The following SEH1L variants were observed in gnomAD, a reference collection of about 807,000 sequenced individuals.
SEH1L encodes the protein SEH1 like nucleoporin.
Under a neutral mutation model 49.5 loss-of-function variants are expected in SEH1L, and 18 were observed. The ratio of observed to expected loss-of-function variants is 0.36; its 90% confidence interval spans 0.25 to 0.54. SEH1L has a LOEUF of 0.54. Among genes scored for constraint, SEH1L ranks in the 20% least tolerant of loss-of-function variants. The pLI, the probability that SEH1L is intolerant of heterozygous loss-of-function variation, is 0.87. For missense variants in SEH1L, 404 were observed against 528.8 expected (o/e 0.76, Z 2.31); for synonymous variants, 169 against 178.1 (o/e 0.95, Z 0.41).
intron 4 of SEH1L, 119 bp downstream of exon 4, chr18:12,963,490 A>G (rs775175073): frequency 2.2e-5 from 16 of 727,482 alleles, no homozygotes; most frequent in African/African-American, 1.8e-4. Flanking sequence ...TATAGAGTAT[A>G]TGTTCTCCAT....
At position 12,971,156 on chromosome 18, in the gene SEH1L, T is replaced by C; in HGVS notation, c.525T>C (p.Ser175=). Residue 175 remains serine (S), a synonymous_variant, in exon 5 of 9, where the codon TCT becomes TCC. Coordinates refer to ENST00000399892, the MANE Select transcript of SEH1L (RefSeq NM_001013437.2). Reference sequence around the variant, plus strand: ...TGTTCTTTCTCCCCGTTTCTAGCTCTCGTGCTCATTCCCCCATGATCGCCG... The same window carrying C: ...TGTTCTTTCTCCCCGTTTCTAGCTCCCGTGCTCATTCCCCCATGATCGCCG... ...CSCISWNPSS[S]RAHSPMIAVG... is the part of the protein sequence containing the mutation. 1 of 1,610,034 alleles carries C rather than the reference T, an allele frequency of 6.2e-7. No individual in the cohort carries two copies. The highest frequency in any genetic ancestry group is 8.5e-7 in the Non-Finnish European group (1 of 1,176,350).
chr18:12,948,342 G>A, intron 1 of SEH1L, 110 bp downstream of exon 1: 1 of 787,200 alleles, frequency 1.3e-6, no homozygotes, highest in African/African-American at 1.8e-5. Context: ...GCTGGAAGCT[G>A]TGGGGTGGCG....
chr18:12,973,258 T>C (rs2031777910), intron 5 of SEH1L: 1 of 151,836 alleles, frequency 6.6e-6, no homozygotes, highest in Non-Finnish European at 1.5e-5. Flanking sequence ...AAAAGATAAA[T>C]AACTTGCAGT....
chr18:12,969,128 G>T (rs2031574800), intron 4 of SEH1L, among the ~76,000 whole-genome samples: 1 of 139,494 alleles, frequency 7.2e-6, no homozygotes, highest in African/African-American at 2.8e-5. Flanking sequence ...GAGAATCATT[G>T]AACCTGGGAG....
rs146696286 is a variant in SEH1L, at chr18:12,986,268, A to G, written c.1071-594A>G. The G allele has an allele frequency of 6.3e-5, 62 of 985,528 alleles. 1 individual carries two copies. In the East Asian group the frequency reaches 6.5e-3, roughly 103 times the overall value. The allele number at this position is 985,528 out of a possible 1,614,324, so 61.0% of individuals were successfully genotyped here. On this transcript the variant is annotated intron_variant, in intron 8 of 8. Coordinates refer to ENST00000399892, the MANE Select transcript of SEH1L (RefSeq NM_001013437.2). ...TCGGTAAGTTACAAGATGGAAGAAG[A>G]ATAACAGTAGGGCACAGTCATTCTG...
At chr18:12,978,633 A>G in intron 5 of SEH1L, 119 bp from the exon 6 acceptor site, 2 of 744,608 alleles carry the variant, frequency 2.7e-6, no homozygotes, top group South Asian at 3.8e-5. Flanking sequence ...TGTTGAGCCC[A>G]CTACAGAGGT....
rs544995804 is a variant in SEH1L, at chr18:12,949,675, T to G, written c.111+1443T>G. On this transcript the variant is annotated intron_variant, in intron 1 of 8. Coordinates refer to ENST00000399892, the MANE Select transcript of SEH1L (RefSeq NM_001013437.2). ...TCACCATGTTAGCCAGGATGGTCTC[T>G]ATCTCCTGACCTCGTGATCCGCCCA... 1.3e-4 allele frequency among the ~76,000 whole-genome samples: 20 copies of G among 151,678 alleles called. No individual in the cohort carries two copies. In the South Asian group the frequency reaches 3.4e-3, roughly 25 times the overall value.
chr18:12,970,540 C>T (rs975800181), intron 4 of SEH1L, among the ~76,000 whole-genome samples: 4 of 152,212 alleles, frequency 2.6e-5, no homozygotes, highest in Non-Finnish European at 5.9e-5. Flanking sequence ...CCTGCCTCAG[C>T]TCCTGAGTAG....
intron 5 of SEH1L, chr18:12,977,353 C>G (rs2031969327): frequency 6.6e-6 from 1 of 152,208 alleles, no homozygotes; most frequent in Admixed American, 6.5e-5. Flanking sequence ...TCATTATCCT[C>G]TTATTCTGTA....
At chr18:12,986,742 C>A in intron 8 of SEH1L, 120 bp from the exon 9 acceptor site, 286 of 1,074,092 alleles carry the variant, frequency 2.7e-4, no homozygotes, top group Middle Eastern at 7.2e-4. Flanking sequence ...TTTTTTTTTT[C>A]TAGCATGTGT....
intron 3 of SEH1L, among the ~76,000 whole-genome samples, chr18:12,958,820 G>C (rs2031030348): frequency 6.6e-6 from 1 of 152,212 alleles, no homozygotes; most frequent in Admixed American, 6.5e-5. Context: ...TTGTTGTACA[G>C]ATAAATGTTT....
At chr18:12,963,762 G>T (rs1180278497) in intron 4 of SEH1L, among the ~76,000 whole-genome samples, 1 of 152,230 alleles carries the variant, frequency 6.6e-6, no homozygotes, top group Admixed American at 6.5e-5. Context: ...GCCCAGGCTG[G>T]AGTGCAGTGG....
chr18:12,951,862 A>C lies in SEH1L; in HGVS notation c.119A>C (p.Asp40Ala), dbSNP rs774053676. 1.9e-6 allele frequency: 3 copies of C among 1,574,028 alleles called. No individual in the cohort carries two copies. The South Asian group carries it at 3.5e-5, about 18-fold the overall frequency. Residue 40 changes from aspartate to alanine, a missense_variant, in exon 2 of 9, where the codon GAT (aspartate) becomes GCT (alanine). By Grantham distance (126) the Asp-to-Ala change is moderately radical. Coordinates refer to ENST00000399892, the MANE Select transcript of SEH1L (RefSeq NM_001013437.2). The part of the protein sequence containing the change: ...CSSDQSVKVW[D>A]KSESGDWHCT... ...CCTTTTATTTTCTTATAGGTCTGGG[A>C]TAAAAGTGAAAGTGGTGATTGGCAT...
At chr18:12,971,634 C>CAGAAAAA in intron 5 of SEH1L, 1 of 131,000 alleles carries the variant, frequency 7.6e-6, no homozygotes, top group South Asian at 2.4e-4. Flanking sequence ...AACCCTGCCT[C>CAGAAAAA]AAAAAAAAAA....
At chr18:12,970,338 T>A (rs2031641932) in intron 4 of SEH1L, among the ~76,000 whole-genome samples, 1 of 152,168 alleles carries the variant, frequency 6.6e-6, no homozygotes, top group Non-Finnish European at 1.5e-5. Context: ...CACAGATGAG[T>A]CTAGGGAGGG....
intron 3 of SEH1L, among the ~76,000 whole-genome samples, chr18:12,959,867 T>G (rs998957011): frequency 2.6e-5 from 4 of 152,318 alleles, no homozygotes; most frequent in Middle Eastern, 3.4e-3. Flanking sequence ...GTATCCCCAA[T>G]GTGGAGCTGA....
intron 1 of SEH1L, among the ~76,000 whole-genome samples, chr18:12,949,446 T>TG (rs2030361922): frequency 1.9e-5 from 2 of 105,462 alleles, no homozygotes; most frequent in Admixed American, 9.0e-5. Context: ...TTAACCGTTT[T>TG]TTTTTTTTTT....
chr18:12,985,567 T>A (rs2032428728), intron 8 of SEH1L: 1 of 1,108,818 alleles, frequency 9.0e-7, no homozygotes, highest in African/African-American at 1.6e-5. Flanking sequence ...AAAGGGTTGT[T>A]ACCATTCTTA....
chr18:12,981,988 T>TA (rs2032289213), intron 6 of SEH1L, among the ~76,000 whole-genome samples: 1 of 151,316 alleles, frequency 6.6e-6, no homozygotes, highest in Non-Finnish European at 1.5e-5. Flanking sequence ...GCCTCCTGAG[T>TA]AGCTGGGACT....
Sources: allele counts gnomAD v4.1 joint callset (sites outside exome capture counted in the v4.1 genomes callset), GRCh38; gene constraint gnomAD v4.1.1; transcripts MANE v1.5; gene names NCBI Gene and HGNC (gene_info 2026-07-23, HGNC 2026-07-21).